Variants in DOK6 observed in about 807,000 individuals in gnomAD.
DOK6 encodes the protein downstream of tyrosine kinase 6.
DOK6 carries 22 observed loss-of-function variants against 44.0 expected under a neutral mutation model. That is an observed-to-expected ratio of 0.50 (90% CI 0.36 to 0.71). The LOEUF (loss-of-function observed/expected upper bound fraction) is 0.71. Ranked by LOEUF, DOK6 falls within the 30% of genes least tolerant of loss-of-function variation. The probability of loss-of-function intolerance (pLI) is 0.00; values close to 1 mark genes in which losing one functional copy is unlikely to be tolerated. For synonymous variants in DOK6, 166 were observed against 145.5 expected (o/e 1.14, Z -1.01); for missense variants, 340 against 416.4 (o/e 0.82, Z 1.60).
Position 69,845,008 on chromosome 18 carries a change from T to G in DOK6, c.*3625T>G, listed in dbSNP as rs765061446. On this transcript the variant is annotated 3_prime_UTR_variant, in exon 8 of 8. Coordinates refer to ENST00000382713, the MANE Select transcript of DOK6 (RefSeq NM_152721.6). ...GTTTCTACAGATCCAGTTTATTGCA[T>G]GTCGTATCTTTATTGTAGATATTAA... The G allele has an allele frequency of 1.3e-5, 2 of 152,204 alleles. No individual in the cohort carries two copies. The highest frequency in any genetic ancestry group is 2.9e-5 in the Non-Finnish European group (2 of 68,028). 9.4% of individuals were successfully genotyped at this position (152,204 alleles called of 1,614,324 possible).
At chr18:69,519,978 A>G (rs1599170781) in intron 1 of DOK6, among the ~76,000 whole-genome samples, 1 of 151,978 alleles carries the variant, frequency 6.6e-6, no homozygotes, top group East Asian at 1.9e-4. Context: ...ACACAAAATA[A>G]TATTGCCTAA....
intron 5 of DOK6, among the ~76,000 whole-genome samples, chr18:69,731,406 G>T (rs557616506): frequency 6.6e-6 from 1 of 152,158 alleles, no homozygotes; most frequent in East Asian, 1.9e-4. Context: ...TAGACAAGTG[G>T]GTAGTGCCCA....
intron 5 of DOK6, among the ~76,000 whole-genome samples, chr18:69,701,589 C>A (rs1433890508): frequency 6.6e-6 from 1 of 152,170 alleles, no homozygotes; most frequent in Non-Finnish European, 1.5e-5. Context: ...GGCCAAAATT[C>A]AGGCGAACCC....
intron 1 of DOK6, among the ~76,000 whole-genome samples, chr18:69,449,378 A>G (rs561808348): frequency 1.1e-4 from 17 of 152,358 alleles, no homozygotes; most frequent in Admixed American, 7.8e-4. Flanking sequence ...AAACTTTGAC[A>G]TAAATCTGTA....
chr18:69,653,202 G>T (rs1349516048), intron 3 of DOK6, among the ~76,000 whole-genome samples: 1 of 151,948 alleles, frequency 6.6e-6, no homozygotes, highest in Non-Finnish European at 1.5e-5. Context: ...ACCTTGAAGC[G>T]TTTGCCAATT....
chr18:69,570,554 T>C (rs760483358), intron 2 of DOK6, among the ~76,000 whole-genome samples: 1 of 152,066 alleles, frequency 6.6e-6, no homozygotes, highest in Non-Finnish European at 1.5e-5. Context: ...ATTCCCAAAT[T>C]TGTTGAAAGA....
chr18:69,448,322 C>T (rs1979355317), intron 1 of DOK6, among the ~76,000 whole-genome samples: 1 of 152,130 alleles, frequency 6.6e-6, no homozygotes, highest in Admixed American at 6.6e-5. Flanking sequence ...GCATTTCTTA[C>T]TCTGCCATTT....
At chr18:69,642,754 G>C (rs1379533878) in intron 3 of DOK6, among the ~76,000 whole-genome samples, 3 of 152,110 alleles carry the variant, frequency 2.0e-5, no homozygotes, top group African/African-American at 7.2e-5. Flanking sequence ...GACACGAGAA[G>C]GTACACGATG....
chr18:69,408,526 CTTTAG>C (rs1309721914), intron 1 of DOK6, among the ~76,000 whole-genome samples: 1 of 151,248 alleles, frequency 6.6e-6, no homozygotes, highest in African/African-American at 2.4e-5. Flanking sequence ...AGTTAAATAT[CTTTAG>C]TTTAGCATTA....
intron 1 of DOK6, among the ~76,000 whole-genome samples, chr18:69,520,233 A>T (rs1981647960): frequency 6.6e-6 from 1 of 151,690 alleles, no homozygotes; most frequent in African/African-American, 2.4e-5. Context: ...TGCTTTTTAA[A>T]GAAAATATAT....
intron 5 of DOK6, among the ~76,000 whole-genome samples, chr18:69,728,632 A>T (rs1978324305): frequency 6.6e-6 from 1 of 152,124 alleles, no homozygotes; most frequent in Admixed American, 6.6e-5. Flanking sequence ...ACTGAAAAAA[A>T]AAAAAGTAAA....
intron 1 of DOK6, among the ~76,000 whole-genome samples, chr18:69,465,015 C>T (rs1011218293): frequency 5.3e-5 from 8 of 152,038 alleles, no homozygotes; most frequent in South Asian, 4.1e-4. Context: ...TACTAATAAA[C>T]GAAAGAAGTT....
Position 69,564,603 on chromosome 18 carries a change from C to G in DOK6, c.174+9C>G. ...TCAGAAACTTTCATAAGGTAAGTCA[C>G]AGTCCTGGGAGTCCCTGGGGAATAA... On this transcript the variant is annotated intron_variant, in intron 2 of 7. Transcript: ENST00000382713. The G allele has an allele frequency of 6.2e-7, 1 of 1,606,090 alleles. No individual in the cohort carries two copies. Among genetic ancestry groups the G allele is most frequent in the Non-Finnish European group, 8.5e-7 (1 of 1,174,398 alleles).
intron 5 of DOK6, among the ~76,000 whole-genome samples, chr18:69,723,487 G>C (rs376784819): frequency 6.6e-6 from 1 of 152,114 alleles, no homozygotes; most frequent in African/African-American, 2.4e-5. Context: ...ACACACGCTC[G>C]GGTGTGATTG....
intron 7 of DOK6, among the ~76,000 whole-genome samples, chr18:69,779,453 T>TACACAC (rs36016822): frequency 0.014 from 2,124 of 148,984 alleles, 28 homozygotes; most frequent in East Asian, 0.018. Context: ...ACACACAGTC[T>TACACAC]ACACACACAC....
At chr18:69,767,590 C>T (rs1383884818) in intron 7 of DOK6, among the ~76,000 whole-genome samples, 1 of 152,042 alleles carries the variant, frequency 6.6e-6, no homozygotes, top group Non-Finnish European at 1.5e-5. Flanking sequence ...CACCCTACCA[C>T]TTACCCTCCC....
At chr18:69,597,633 A>G (rs1244652327) in intron 2 of DOK6, among the ~76,000 whole-genome samples, 1 of 152,226 alleles carries the variant, frequency 6.6e-6, no homozygotes, top group African/African-American at 2.4e-5. Flanking sequence ...TGCAAAAGCC[A>G]TGGCTCTACG....
intron 1 of DOK6, among the ~76,000 whole-genome samples, chr18:69,495,500 T>A (rs554378086): frequency 3.3e-5 from 5 of 152,252 alleles, no homozygotes; most frequent in African/African-American, 1.2e-4. Flanking sequence ...GTTGTCCCAG[T>A]GGCTGCTCAG....
intron 7 of DOK6, among the ~76,000 whole-genome samples, chr18:69,802,003 C>T (rs185752692): frequency 6.6e-6 from 1 of 152,218 alleles, no homozygotes; most frequent in Non-Finnish European, 1.5e-5. Flanking sequence ...CTTTCAGAGG[C>T]CTTTTATGAT....
Sources: gnomAD v4.1 joint callset for allele counts (sites outside exome capture counted in the v4.1 genomes callset) on GRCh38, gnomAD v4.1.1 for gene constraint, MANE v1.5 for transcripts, NCBI Gene and HGNC (gene_info 2026-07-23, HGNC 2026-07-21) for gene names.